The following TM4SF1 variants were observed in gnomAD, a reference collection of about 807,000 sequenced individuals.
TM4SF1 encodes transmembrane 4 L6 family member 1.
In TM4SF1, 20 loss-of-function variants were observed where a neutral mutation model predicts 24.5. The observed-to-expected ratio is 0.82, with a 90% CI of 0.57 to 1.19. The LOEUF (loss-of-function observed/expected upper bound fraction) is 1.19, where lower values mean the gene tolerates loss of function less well. TM4SF1 is among the 50% of genes most tolerant of loss of function. The probability of loss-of-function intolerance (pLI) is 0.00; values close to 1 mark genes in which losing one functional copy is unlikely to be tolerated. For missense variants in TM4SF1, 258 were observed against 248.1 expected, an observed-to-expected ratio of 1.04 and a Z score of -0.27; for synonymous variants, 107 against 95.4, an observed-to-expected ratio of 1.12 and a Z score of -0.71.
rs1416456839 is a variant in TM4SF1, at chr3:149,375,363, G to T, written c.413+80C>A. The T allele has an allele frequency of 3.3e-6, 5 of 1,531,296 alleles. No individual in the cohort carries two copies. The Admixed American group carries it at 8.6e-5, about 26-fold the overall frequency. 94.9% of individuals were successfully genotyped at this position (1,531,296 alleles called of 1,614,324 possible). On this transcript the variant is annotated intron_variant, in intron 3 of 4. Coordinates refer to ENST00000305366, the MANE Select transcript of TM4SF1 (RefSeq NM_014220.3). The stretch of plus-strand genomic sequence containing the variant: ...TGGGTGGATGGATGGATAAGTGGAT[G>T]CCTATCTGGTTTGATAGAGCTGCCA...
chr3:149,377,304 A>G (rs555608147), intron 1 of TM4SF1, 67 bp downstream of exon 1: 505 of 1,530,026 alleles, frequency 3.3e-4, no homozygotes, highest in Non-Finnish European at 3.7e-4. Flanking sequence ...AAAACTTTCC[A>G]TGAAAATACA....
Position 149,375,456 on chromosome 3 carries a change from T to C in TM4SF1, c.400A>G (p.Ser134Gly). 1 of 1,614,168 alleles carries C rather than the reference T, an allele frequency of 6.2e-7. No homozygotes were observed. Among genetic ancestry groups the C allele is most frequent in the Non-Finnish European group, 8.5e-7 (1 of 1,180,028 alleles). ...SLGQWNYTFA[S>G]TEGQYLLDTS... The stretch of plus-strand genomic sequence containing the variant: ...GTAATTACATACTGGCCCTCAGTGC[T>C]GGCAAAGGTGTAGTTCCACTGGCCG... The change falls in exon 3 of 5, where the codon AGC becomes GGC. Residue 134 changes from serine (S) to glycine (G), a missense_variant. Coordinates refer to ENST00000305366, the MANE Select transcript of TM4SF1 (RefSeq NM_014220.3).
In TM4SF1 at chr3:149,375,680, C is replaced by A. The variant is rs547866298; in HGVS notation, c.267G>T (p.Ala89=). The change falls in exon 2 of 5, where the codon GCG becomes GCT. Residue 89 remains alanine (A), a splice_region_variant and synonymous_variant. Transcript: ENST00000305366. ...TCACCACCAGGGCAGGAGGACCTAC[C>A]GCACATCGTTTGCCACAGTTTTCAT... The part of the protein sequence containing the change: ...CGHENCGKRC[A]MLSSVLAALI... The A allele has an allele frequency of 1.9e-6, 3 of 1,614,166 alleles. No individual in the cohort carries two copies. The highest frequency in any genetic ancestry group is 2.5e-6 in the Non-Finnish European group (3 of 1,180,018).
Position 149,375,423 on chromosome 3 carries a change from T to C in TM4SF1, c.413+20A>G, listed in dbSNP as rs373384276. The C allele has an allele frequency of 5.0e-6, 8 of 1,613,594 alleles. No homozygotes were observed. The African/African-American group carries it at 8.0e-5, about 16-fold the overall frequency. ...TGTGGTGGATAAAAATGTGTAGCCA[T>C]GTAGAGAGTAATTACATACTGGCCC... On this transcript the variant is annotated intron_variant, in intron 3 of 4. Coordinates refer to ENST00000305366, the MANE Select transcript of TM4SF1 (RefSeq NM_014220.3).
At chr3:149,373,288 T>C (rs1029808286) in intron 3 of TM4SF1, among the ~76,000 whole-genome samples, 11 of 152,232 alleles carry the variant, frequency 7.2e-5, no homozygotes, top group African/African-American at 1.9e-4. Context: ...GATTCTAGGA[T>C]TTAGTCGATT....
intron 4 of TM4SF1, 89 bp from the exon 5 acceptor site, chr3:149,369,969 TA>T: frequency 6.8e-7 from 1 of 1,476,010 alleles, no homozygotes; most frequent in Non-Finnish European, 9.2e-7. Flanking sequence ...TAAGCAAACA[TA>T]AACAGACTGA....
chr3:149,369,760 G>T lies in TM4SF1; in HGVS notation c.*106C>A. 7.1e-7 allele frequency: 1 copy of T among 1,404,148 alleles called. No homozygotes were observed. Among genetic ancestry groups the T allele is most frequent in the Non-Finnish European group, 9.9e-7 (1 of 1,013,370 alleles). 87.0% of individuals were successfully genotyped at this position (1,404,148 alleles called of 1,614,324 possible). A position where few individuals can be genotyped will look rare whatever the true frequency, so the allele number is the denominator to read the frequency against. ...ACAGGCGTTTGTAAAAGTAGACTGT[G>T]GGGAGTATGTTACACTAATACAAAG... On this transcript the variant is annotated 3_prime_UTR_variant, in exon 5 of 5. Transcript: ENST00000305366.
chr3:149,369,985 A>T, intron 4 of TM4SF1, 105 bp from the exon 5 acceptor site: 1 of 1,409,666 alleles, frequency 7.1e-7, no homozygotes, highest in Non-Finnish European at 9.6e-7. Flanking sequence ...GACTGATCTT[A>T]GCTTCAGCAA....
chr3:149,374,258 A>G lies in TM4SF1; in HGVS notation c.413+1185T>C, dbSNP rs189835924. Among the ~76,000 whole-genome samples the G allele has an allele frequency of 3.5e-3, 528 of 152,354 alleles. 11 individuals are homozygous for G. The highest frequency in any genetic ancestry group is 0.029 in the Admixed American group (438 of 15,302). Reference sequence around the variant, plus strand: ...TTCACCTTTTCCTACAGATAGGTGCAGAGCTGTGATTGAACCCAGCTAATT... The same window carrying G: ...TTCACCTTTTCCTACAGATAGGTGCGGAGCTGTGATTGAACCCAGCTAATT... On this transcript the variant is annotated intron_variant, in intron 3 of 4. Coordinates refer to ENST00000305366, the MANE Select transcript of TM4SF1 (RefSeq NM_014220.3).
Position 149,375,740 on chromosome 3 carries a change from C to T in TM4SF1, c.207G>A (p.Gly69=), listed in dbSNP as rs1195181727. ...LMLLPAFVFI[G]LEQDDCCGCC... ...AGCCACAGCAGTCATCCTGTTCCAG[C>T]CCAATGAAGACAAATGCTGGCAGGA... The change falls in exon 2 of 5, where the codon GGG becomes GGA. Residue 69 remains glycine (G), a synonymous_variant. Coordinates refer to ENST00000305366, the MANE Select transcript of TM4SF1 (RefSeq NM_014220.3). The T allele has an allele frequency of 5.0e-6, 8 of 1,614,050 alleles. No homozygotes were observed. The highest frequency in any genetic ancestry group is 6.8e-6 in the Non-Finnish European group (8 of 1,180,030).
rs375984652 is a variant in TM4SF1, at chr3:149,369,828, A to G, written c.*38T>C. 3 of 1,607,554 alleles carry G rather than the reference A, an allele frequency of 1.9e-6. No homozygotes were observed. The highest frequency in any genetic ancestry group is 2.5e-6 in the Non-Finnish European group (3 of 1,177,876). ...AGTGAAATATATAAATTACAATGAA[A>G]TAGAGGAAGATTGTGGCTCTGTCCT... is the stretch of plus-strand genomic sequence containing the variant. On this transcript the variant is annotated 3_prime_UTR_variant, in exon 5 of 5. Coordinates refer to ENST00000305366, the MANE Select transcript of TM4SF1 (RefSeq NM_014220.3).
Position 149,375,581 on chromosome 3 carries a change from G to A in TM4SF1, c.275C>T (p.Ser92Phe). The A allele has an allele frequency of 1.2e-6, 2 of 1,614,206 alleles. No individual in the cohort carries two copies. The highest frequency in any genetic ancestry group is 1.7e-6 in the Non-Finnish European group (2 of 1,180,036). ...TCCAATGAGAGCAGCCAATACAGAA[G>A]AAAGCATCTAGGGAAAAGCAGACAC... is the stretch of plus-strand genomic sequence containing the variant. ...ENCGKRCAML[S>F]SVLAALIGIA... is the part of the protein sequence containing the mutation. The change falls in exon 3 of 5, where the codon TCT becomes TTT. Residue 92 changes from serine (S) to phenylalanine (F), a missense_variant. Transcript: ENST00000305366.
At chr3:149,371,628 G>C (rs1180615293) in intron 4 of TM4SF1, 59 bp downstream of exon 4, 1 of 1,590,564 alleles carries the variant, frequency 6.3e-7, no homozygotes. Context: ...TCTTTATGAT[G>C]AAAACAATGG....
intron 4 of TM4SF1, chr3:149,371,084 T>C (rs972314890): frequency 6.6e-6 from 1 of 152,416 alleles, no homozygotes; most frequent in Admixed American, 6.5e-5. Context: ...GTTCAAAGAT[T>C]GCTAGTGATT....
chr3:149,370,973 C>T (rs982108925), intron 4 of TM4SF1: 3 of 152,152 alleles, frequency 2.0e-5, no homozygotes, highest in African/African-American at 7.2e-5. Flanking sequence ...CAAGAACTTT[C>T]ACTGCTACAA....
Position 149,369,675 on chromosome 3 carries a change from C to A in TM4SF1, c.*191G>T. 41 of 629,222 alleles carry A rather than the reference C, an allele frequency of 6.5e-5. No homozygotes were observed. The highest frequency in any genetic ancestry group is 2.1e-4 in the East Asian group (6 of 28,440). The allele number at this position is 629,222 out of a possible 1,614,324, so 39.0% of individuals were successfully genotyped here. ...TTAAAAAAAAACAAAAACAAATAAACAAACAAAAAAGAAGTTTACTAAATT... is the reference window on the plus strand; with the variant it reads ...TTAAAAAAAAACAAAAACAAATAAAAAAACAAAAAAGAAGTTTACTAAATT... On this transcript the variant is annotated 3_prime_UTR_variant, in exon 5 of 5. Coordinates refer to ENST00000305366, the MANE Select transcript of TM4SF1 (RefSeq NM_014220.3).
Position 149,377,401 on chromosome 3 carries a change from G to T in TM4SF1, c.147C>A (p.Phe49Leu). 3 of 1,614,086 alleles carry T rather than the reference G, an allele frequency of 1.9e-6. No homozygotes were observed. The highest frequency in any genetic ancestry group is 2.5e-6 in the Non-Finnish European group (3 of 1,180,000). The change falls in exon 1 of 5, where the codon TTC becomes TTA. Residue 49 changes from phenylalanine (F) to leucine (L), a missense_variant. Transcript: ENST00000305366. ...GGCCACCTCCTACGATGCCAGAAAA[G>T]AACCACACGAAGCGGCTGAGGTGGT... ...SENHLSRFVW[F>L]FSGIVGGGLL...
chr3:149,373,748 GAAGAATGACA>G (rs879724963), intron 3 of TM4SF1, among the ~76,000 whole-genome samples: 1 of 152,206 alleles, frequency 6.6e-6, no homozygotes, highest in Non-Finnish European at 1.5e-5. Context: ...AGTTTTAAAT[GAAGAATGACA>G]TAGAAGAGGA....
chr3:149,375,485 G>A lies in TM4SF1; in HGVS notation c.371C>T (p.Ser124Phe), dbSNP rs1731927478. 9 of 1,614,058 alleles carry A rather than the reference G, an allele frequency of 5.6e-6. No individual in the cohort carries two copies. The highest frequency in any genetic ancestry group is 1.3e-5 in the African/African-American group (1 of 74,910). The change falls in exon 3 of 5, where the codon TCC becomes TTC. Residue 124 changes from serine to phenylalanine, a missense_variant. By Grantham distance (155) the Ser-to-Phe change is radical. Coordinates refer to ENST00000305366, the MANE Select transcript of TM4SF1 (RefSeq NM_014220.3). ...GLAEGPLCLD[S>F]LGQWNYTFAS... Reference sequence around the variant, plus strand: ...AAAGGTGTAGTTCCACTGGCCGAGGGAATCAAGACATAGTGGTCCTTCTGC... The same window carrying A: ...AAAGGTGTAGTTCCACTGGCCGAGGAAATCAAGACATAGTGGTCCTTCTGC...
Sources: gnomAD v4.1 joint callset for allele counts (sites outside exome capture counted in the v4.1 genomes callset) on GRCh38, gnomAD v4.1.1 for gene constraint, MANE v1.5 for transcripts, NCBI Gene and HGNC (gene_info 2026-07-23, HGNC 2026-07-21) for gene names.